The following MCM2 variants were observed in gnomAD, a reference collection of about 807,000 sequenced individuals.
The protein encoded by MCM2 is minichromosome maintenance complex component 2.
In MCM2, 49 loss-of-function variants were observed where a neutral mutation model predicts 86.4. That is an observed-to-expected ratio of 0.57 (90% confidence interval 0.45 to 0.72). The LOEUF is 0.72. Among genes scored for constraint, MCM2 ranks in the 30% least tolerant of loss-of-function variants. The pLI is 0.00. For synonymous variants in MCM2, 475 were observed against 484.6 expected (o/e 0.98, Z 0.26); for missense variants, 1,038 against 1,259.9 (o/e 0.82, Z 2.67).
At chr3:127,607,553 G>A (rs938416723) in intron 6 of MCM2, among the ~76,000 whole-genome samples, 14 of 152,174 alleles carry the variant, frequency 9.2e-5, no homozygotes, top group Admixed American at 8.5e-4. Flanking sequence ...TCTCGGGTGG[G>A]GCAGCTGCAG....
intron 13 of MCM2, among the ~76,000 whole-genome samples, chr3:127,620,419 C>A (rs2074467705): frequency 6.6e-6 from 1 of 152,224 alleles, no homozygotes; most frequent in Non-Finnish European, 1.5e-5. Context: ...GCCACAAATA[C>A]AACAGCCTCT....
Position 127,622,193 on chromosome 3 carries a change from A to T in MCM2, c.*420A>T, listed in dbSNP as rs141767294. 1.2e-5 allele frequency: 2 copies of T among 162,618 alleles called. No individual in the cohort carries two copies. Among genetic ancestry groups the T allele is most frequent in the African/African-American group, 4.8e-5 (2 of 41,700 alleles). The allele number at this position is 162,618 out of a possible 1,614,324, so 10.1% of individuals were successfully genotyped here. ...CCTTTGGCCAGAGAGCTGGTTGAAG[A>T]TGTTTGTAATCGTTTTCAGTCTCCT... On this transcript the variant is annotated 3_prime_UTR_variant, in exon 16 of 16. Transcript: ENST00000265056.
Position 127,617,754 on chromosome 3 carries a change from C to T in MCM2, c.1901-215C>T. On this transcript the variant is annotated intron_variant, in intron 11 of 15. Transcript: ENST00000265056. This position sits in a 1 kb window ranked among gnomAD's most constrained non-coding sequence, Gnocchi z 4.1. ...ACCCACTGTGTTCTTGGTTTTTCCT[C>T]CTGGGGAAGCAGTTATGCTTTCTGT... 1.7e-6 allele frequency: 1 copy of T among 591,228 alleles called. No homozygotes were observed. The highest frequency in any genetic ancestry group is 3.0e-6 in the Non-Finnish European group (1 of 332,338). The allele number at this position is 591,228 out of a possible 1,614,324, so 36.6% of individuals were successfully genotyped here.
At chr3:127,605,909 C>T (rs1462719109) in intron 4 of MCM2, among the ~76,000 whole-genome samples, 1 of 152,206 alleles carries the variant, frequency 6.6e-6, no homozygotes, top group African/African-American at 2.4e-5. Flanking sequence ...ACTTTGTACA[C>T]TGTGTGACAT....
rs17538474 is a variant in MCM2, at chr3:127,605,172, G to A, written c.673+16G>A. 6,002 of 1,607,842 alleles carry A rather than the reference G, an allele frequency of 3.7e-3. 132 individuals carry two copies. In the African/African-American group the frequency reaches 0.045, roughly 12 times the overall value. On this transcript the variant is annotated intron_variant, in intron 4 of 15. Transcript: ENST00000265056. ...ATGTGCAAAGGTGTGGCTTCCCTAC[G>A]CCCCCGCCTCAGCCCCTGTAGCGCC...
chr3:127,620,601 G>GCCCCA, intron 13 of MCM2, 97 bp from the exon 14 acceptor site: 1 of 1,269,330 alleles, frequency 7.9e-7, no homozygotes, highest in South Asian at 1.4e-5. Context: ...ACTGTCAGAT[G>GCCCCA]GGTCTTCTTG....
chr3:127,614,740 T>A (rs1268360104), intron 8 of MCM2, among the ~76,000 whole-genome samples: 1 of 152,210 alleles, frequency 6.6e-6, no homozygotes, highest in East Asian at 1.9e-4. Flanking sequence ...CGCCGGGTGT[T>A]GAGGTTTCCA....
chr3:127,609,837 CTTTTTTTTTTT>C (rs10716532), intron 8 of MCM2, among the ~76,000 whole-genome samples: 2 of 69,088 alleles, frequency 2.9e-5, no homozygotes, highest in African/African-American at 5.4e-5. Flanking sequence ...AGTCAACTTC[CTTTTTTTTTTT>C]TTTTTTTTTT....
intron 9 of MCM2, 76 bp from the exon 10 acceptor site, chr3:127,616,792 G>C: frequency 6.7e-7 from 1 of 1,489,170 alleles, no homozygotes; most frequent in Non-Finnish European, 9.2e-7. Flanking sequence ...TTGAGGAATT[G>C]GTGGGGGATG....
Position 127,617,136 on chromosome 3 carries a change from G to A in MCM2, c.1773+18G>A, listed in dbSNP as rs772161688. On this transcript the variant is annotated intron_variant, in intron 10 of 15. Coordinates refer to ENST00000265056, the MANE Select transcript of MCM2 (RefSeq NM_004526.4). This position sits in a 1 kb window ranked among gnomAD's most constrained non-coding sequence, Gnocchi z 4.1. ...TTGACAAGGTGGGTCCCTGGGTCAC[G>A]GAGGCTGGTGGAACTCAGGGGGTGT... The A allele has an allele frequency of 3.7e-6, 6 of 1,609,840 alleles. No individual in the cohort carries two copies. The highest frequency in any genetic ancestry group is 2.2e-5 in the East Asian group (1 of 44,796).
Position 127,606,142 on chromosome 3 carries a change from A to G in MCM2, c.698A>G (p.Asn233Ser), listed in dbSNP as rs749311282. The G allele has an allele frequency of 6.2e-7, 1 of 1,614,182 alleles. No individual in the cohort carries two copies. Among genetic ancestry groups the G allele is most frequent in the South Asian group, 1.1e-5 (1 of 91,086 alleles). The change falls in exon 5 of 16, where the codon AAC becomes AGC. Residue 233 changes from asparagine to serine, a missense_variant. By Grantham distance (46) the Asn-to-Ser change is conservative. This residue lies in a region of MCM2 where 399 missense variants were observed against 507.2 expected (regional missense o/e 0.79). Transcript: ENST00000265056. This position sits in a 1 kb window ranked among gnomAD's most constrained non-coding sequence, Gnocchi z 4.2. ...CKENRESLVV[N>S]YEDLAAREHV... ...GAGAACCGTGAGAGCCTGGTGGTGA[A>G]CTATGAGGACTTGGCAGCCAGGGAG...
intron 8 of MCM2, 101 bp downstream of exon 8, chr3:127,609,124 G>C (rs1056591400): frequency 2.4e-6 from 3 of 1,265,390 alleles, no homozygotes; most frequent in Non-Finnish European, 3.3e-6. Context: ...CTCAAACCTT[G>C]CCTTATTCCC....
rs1338157886 is a variant in MCM2, at chr3:127,606,706, C to T, written c.990C>T (p.Asn330=). The change falls in exon 6 of 16, where the codon AAC becomes AAT. Residue 330 remains asparagine (N), a synonymous_variant. Transcript: ENST00000265056. This position sits in a 1 kb window ranked among gnomAD's most constrained non-coding sequence, Gnocchi z 4.2. ...TCAGCATGGTCAAGTACAACTGCAA[C>T]AAGTGCAATTTCGTCCTGGGTCCTT... ...PQLSMVKYNC[N]KCNFVLGPFC... 3 of 1,614,134 alleles carry T rather than the reference C, an allele frequency of 1.9e-6. No individual in the cohort carries two copies.
chr3:127,599,523 A>C lies in MCM2; in HGVS notation c.212A>C (p.Glu71Ala), dbSNP rs2074291027. 2 of 1,613,504 alleles carry C rather than the reference A, an allele frequency of 1.2e-6. No individual in the cohort carries two copies. The highest frequency in any genetic ancestry group is 2.7e-5 in the African/African-American group (2 of 74,994). ...GPLEEEEDGEELIGDGMERDY... is the reference protein window; with the variant it reads ...GPLEEEEDGEALIGDGMERDY... The stretch of plus-strand genomic sequence containing the variant: ...CTGGAGGAAGAAGAGGATGGAGAGG[A>C]GCTCATTGGAGATGGCATGGAAAGG... Residue 71 changes from glutamate (E) to alanine (A), a missense_variant, in exon 2 of 16, where the codon GAG (glutamate) becomes GCG (alanine). By Grantham distance (107) the Glu-to-Ala change is moderately radical (BLOSUM62 -1). This residue lies in a region of MCM2 where 300 missense variants were observed against 307.4 expected (regional missense o/e 0.98). Transcript: ENST00000265056.
Position 127,615,926 on chromosome 3 carries a change from C to G in MCM2, c.1493C>G (p.Ala498Gly), listed in dbSNP as rs778853045. 3 of 1,614,032 alleles carry G rather than the reference C, an allele frequency of 1.9e-6. No homozygotes were observed. The highest frequency in any genetic ancestry group is 2.7e-5 in the African/African-American group (2 of 74,934). ...GACATCAAGAGAGGCCTGGCTCTGG[C>G]CCTGTTCGGAGGGGAGCCCAAAAAC... ...HEDIKRGLAL[A>G]LFGGEPKNPG... Residue 498 changes from alanine to glycine, a missense_variant, in exon 9 of 16, where the codon GCC (alanine) becomes GGC (glycine). This residue lies in a region of MCM2 where 399 missense variants were observed against 507.2 expected (regional missense o/e 0.79). Coordinates refer to ENST00000265056, the MANE Select transcript of MCM2 (RefSeq NM_004526.4).
chr3:127,616,402 C>G (rs1023666824), intron 9 of MCM2, among the ~76,000 whole-genome samples: 2 of 152,264 alleles, frequency 1.3e-5, no homozygotes, highest in East Asian at 1.9e-4. Flanking sequence ...ACAGCAACCA[C>G]AGGGTTTCAT....
At chr3:127,619,448 C>T (rs1202973103) in intron 13 of MCM2, among the ~76,000 whole-genome samples, 170 bp downstream of exon 13, 2 of 152,106 alleles carry the variant, frequency 1.3e-5, no homozygotes, top group African/African-American at 4.8e-5. Context: ...CCTGTAATCC[C>T]AGTACTTTGG....
intron 1 of MCM2, 60 bp downstream of exon 1, chr3:127,598,532 T>G: frequency 6.3e-7 from 1 of 1,594,362 alleles, no homozygotes; most frequent in South Asian, 1.1e-5. Context: ...GGCTGCGCGC[T>G]TCCCGTACTC....
intron 6 of MCM2, among the ~76,000 whole-genome samples, chr3:127,607,038 A>G (rs2074357079): frequency 6.6e-6 from 1 of 152,262 alleles, no homozygotes; most frequent in South Asian, 2.1e-4. Context: ...TATTTAAGTC[A>G]GGCGATTTGT....
Sources: gnomAD v4.1 joint callset for allele counts (sites outside exome capture counted in the v4.1 genomes callset) on GRCh38, gnomAD v4.1.1 for gene constraint, gnomAD v4.1.1 regional missense constraint, Gnocchi (gnomAD v3.1) non-coding constraint, MANE v1.5 for transcripts, NCBI Gene and HGNC (gene_info 2026-07-23, HGNC 2026-07-21) for gene names.